Variants in DPP10 observed in about 807,000 individuals in gnomAD.
DPP10 encodes dipeptidyl peptidase like 10, also known as inactive dipeptidyl peptidase 10.
In DPP10, 33 loss-of-function variants were observed where a neutral mutation model predicts 120.9. That is an observed-to-expected ratio of 0.27 (90% CI 0.21 to 0.37). The LOEUF (loss-of-function observed/expected upper bound fraction) is 0.37. Among genes scored for constraint, DPP10 ranks in the 10% least tolerant of loss-of-function variants. DPP10 has a pLI of 1.00. For synonymous variants in DPP10, 337 were observed against 326.1 expected (o/e 1.03, Z -0.36); for missense variants, 816 against 942.8 (o/e 0.87, Z 1.76).
chr2:115,092,411 T>C (rs1709340128), intron 1 of DPP10, among the ~76,000 whole-genome samples: 2 of 152,148 alleles, frequency 1.3e-5, no homozygotes, highest in Admixed American at 1.3e-4. Flanking sequence ...CAGCATAAAA[T>C]AGTGTTTCTG....
chr2:114,720,024 G>A (rs985710229), intron 1 of DPP10, among the ~76,000 whole-genome samples: 15 of 152,168 alleles, frequency 9.9e-5, no homozygotes, highest in African/African-American at 3.6e-4. Flanking sequence ...CTCAGAGGAG[G>A]AACCCAGAGT....
chr2:115,200,114 A>G (rs2055588146), intron 1 of DPP10, among the ~76,000 whole-genome samples: 2 of 152,148 alleles, frequency 1.3e-5, no homozygotes, highest in Non-Finnish European at 2.9e-5. Flanking sequence ...TTGTTCCCCC[A>G]CACTTCATCT....
intron 1 of DPP10, among the ~76,000 whole-genome samples, chr2:114,848,763 T>A (rs1688732063): frequency 6.6e-6 from 1 of 152,182 alleles, no homozygotes; most frequent in Non-Finnish European, 1.5e-5. Context: ...GTCAGAAAGC[T>A]TTTGCAGCAA....
At chr2:114,563,688 G>A (rs1406403320) in intron 1 of DPP10, among the ~76,000 whole-genome samples, 1 of 152,188 alleles carries the variant, frequency 6.6e-6, no homozygotes, top group African/African-American at 2.4e-5. Flanking sequence ...CTAAGGAGAT[G>A]AAGTGGTTTT....
intron 1 of DPP10, among the ~76,000 whole-genome samples, chr2:114,792,208 G>A (rs145937964): frequency 3.4e-4 from 51 of 152,228 alleles, no homozygotes; most frequent in African/African-American, 1.2e-3. Context: ...TAGTGCATCG[G>A]TGTGGGAATA....
chr2:115,663,851 CG>C (rs969960593), intron 5 of DPP10, among the ~76,000 whole-genome samples: 2 of 151,784 alleles, frequency 1.3e-5, no homozygotes. Context: ...AAAAATTAGC[CG>C]GGTGTGGTGG....
intron 5 of DPP10, among the ~76,000 whole-genome samples, chr2:115,616,435 CTCTAA>C (rs1299991508): frequency 6.6e-6 from 1 of 151,668 alleles, no homozygotes; most frequent in East Asian, 1.9e-4. Context: ...AGTATCCCTA[CTCTAA>C]TCTAAGTCAG....
intron 5 of DPP10, among the ~76,000 whole-genome samples, chr2:115,601,736 C>T (rs576521613): frequency 6.6e-5 from 10 of 152,160 alleles, no homozygotes; most frequent in South Asian, 2.1e-4. Flanking sequence ...TGCAGTGGCA[C>T]GACCTCAGCT....
At chr2:114,936,209 G>A (rs1696454543) in intron 1 of DPP10, among the ~76,000 whole-genome samples, 1 of 151,952 alleles carries the variant, frequency 6.6e-6, no homozygotes, top group African/African-American at 2.4e-5. Context: ...TCATAGCTTA[G>A]CTCGCACTTT....
chr2:115,336,988 A>G (rs1159309065), intron 2 of DPP10, among the ~76,000 whole-genome samples: 3 of 152,028 alleles, frequency 2.0e-5, no homozygotes, highest in African/African-American at 7.2e-5. Context: ...GTCTGATTCT[A>G]ACATAAATTA....
intron 3 of DPP10, among the ~76,000 whole-genome samples, chr2:115,435,867 T>C (rs1419208073): frequency 6.6e-6 from 1 of 151,964 alleles, no homozygotes; most frequent in African/African-American, 2.4e-5. Flanking sequence ...GTTGATTTTG[T>C]ATATGGTGAG....
At chr2:115,353,090 A>C (rs1258714234) in intron 3 of DPP10, among the ~76,000 whole-genome samples, 1 of 152,142 alleles carries the variant, frequency 6.6e-6, no homozygotes, top group African/African-American at 2.4e-5. Context: ...TAGGTGAACA[A>C]TAATTAGGTG....
chr2:115,214,074 C>T (rs930270439), intron 1 of DPP10, among the ~76,000 whole-genome samples: 9 of 152,044 alleles, frequency 5.9e-5, no homozygotes, highest in Non-Finnish European at 1.0e-4. Flanking sequence ...ACAAGCCTTT[C>T]GTGGGTTGGG....
At chr2:114,770,541 A>G (rs911299157) in intron 1 of DPP10, among the ~76,000 whole-genome samples, 1 of 152,176 alleles carries the variant, frequency 6.6e-6, no homozygotes, top group Non-Finnish European at 1.5e-5. Flanking sequence ...CCGTAAAACC[A>G]AAAATGTGCT....
At chr2:115,444,054 A>G (rs867521177) in intron 3 of DPP10, among the ~76,000 whole-genome samples, 2 of 152,112 alleles carry the variant, frequency 1.3e-5, no homozygotes, top group South Asian at 4.2e-4. Flanking sequence ...GCAATACTCA[A>G]ATGACTTGCC....
At chr2:115,167,373 C>T (rs745566072) in intron 1 of DPP10, among the ~76,000 whole-genome samples, 8 of 150,758 alleles carry the variant, frequency 5.3e-5, no homozygotes, top group Non-Finnish European at 1.2e-4. Flanking sequence ...GCGTGGGCAA[C>T]GTAATGTGAC....
chr2:115,639,951 A>G (rs1190673732), intron 5 of DPP10, among the ~76,000 whole-genome samples: 1 of 149,276 alleles, frequency 6.7e-6, no homozygotes, highest in Non-Finnish European at 1.5e-5. Flanking sequence ...TAACTGACTC[A>G]TACAGTAGAT....
At chr2:115,365,168 G>C (rs2065007409) in intron 3 of DPP10, among the ~76,000 whole-genome samples, 1 of 152,020 alleles carries the variant, frequency 6.6e-6, no homozygotes, top group African/African-American at 2.4e-5. Context: ...CTGTATTGAA[G>C]CAAACCAAAT....
At chr2:114,718,224 A>G (rs1701480593) in intron 1 of DPP10, among the ~76,000 whole-genome samples, 1 of 151,910 alleles carries the variant, frequency 6.6e-6, no homozygotes, top group African/African-American at 2.4e-5. Flanking sequence ...CCAGTCCTAT[A>G]GCCTTCAATA....
Sources: allele counts gnomAD v4.1 joint callset (sites outside exome capture counted in the v4.1 genomes callset), GRCh38; gene constraint gnomAD v4.1.1; transcripts MANE v1.5; gene names NCBI Gene and HGNC (gene_info 2026-07-23, HGNC 2026-07-21).